The following CCSER1 variants were observed in gnomAD, a reference collection of about 807,000 sequenced individuals.
CCSER1 encodes the protein coiled-coil serine rich protein 1.
CCSER1 carries 41 observed loss-of-function variants against 82.0 expected under a neutral mutation model. The observed-to-expected ratio is 0.50, with a 90% CI of 0.39 to 0.65. The LOEUF (loss-of-function observed/expected upper bound fraction) is 0.65. CCSER1 is among the 30% of genes least tolerant of loss of function. The pLI is 0.00. For synonymous variants in CCSER1, 414 were observed against 383.9 expected (o/e 1.08, Z -0.92); for missense variants, 1,119 against 1,064.2 (o/e 1.05, Z -0.72).
At chr4:91,288,608 A>G (rs1743503000) in intron 10 of CCSER1, among the ~76,000 whole-genome samples, 1 of 151,986 alleles carries the variant, frequency 6.6e-6, no homozygotes, top group South Asian at 2.1e-4. Context: ...TAAAGGCTTG[A>G]AGAAGGGAAC....
At chr4:91,344,584 T>C (rs1747932188) in intron 10 of CCSER1, among the ~76,000 whole-genome samples, 1 of 152,054 alleles carries the variant, frequency 6.6e-6, no homozygotes, top group Non-Finnish European at 1.5e-5. Context: ...GTACAGATAA[T>C]TGTAGAGTTG....
At chr4:90,242,966 T>G (rs1228760960) in intron 1 of CCSER1, among the ~76,000 whole-genome samples, 1 of 152,168 alleles carries the variant, frequency 6.6e-6, no homozygotes, top group Non-Finnish European at 1.5e-5. Flanking sequence ...TGCTTGGTTC[T>G]TGATGTGCTG....
intron 10 of CCSER1, among the ~76,000 whole-genome samples, chr4:91,220,850 A>G (rs1172130977): frequency 6.6e-6 from 1 of 152,188 alleles, no homozygotes; most frequent in African/African-American, 2.4e-5. Flanking sequence ...TAAGCACTTC[A>G]CTATATATAC....
chr4:90,769,081 A>G (rs1210332601), intron 7 of CCSER1, among the ~76,000 whole-genome samples: 1 of 152,230 alleles, frequency 6.6e-6, no homozygotes. Context: ...TGACTCAGAA[A>G]GCCCTTAAAG....
intron 10 of CCSER1, among the ~76,000 whole-genome samples, chr4:91,442,930 C>G (rs1755285125): frequency 6.6e-6 from 1 of 152,214 alleles, no homozygotes; most frequent in South Asian, 2.1e-4. Context: ...GAGATACCAT[C>G]TCACACCAGT....
At chr4:91,298,271 C>A (rs1744378040) in intron 10 of CCSER1, among the ~76,000 whole-genome samples, 1 of 151,948 alleles carries the variant, frequency 6.6e-6, no homozygotes, top group African/African-American at 2.4e-5. Context: ...AATCAGGACA[C>A]CTGTCATTGT....
chr4:90,257,312 A>G (rs1413125925), intron 1 of CCSER1, among the ~76,000 whole-genome samples: 2 of 152,128 alleles, frequency 1.3e-5, no homozygotes, highest in African/African-American at 4.8e-5. Context: ...TGATTCTAGG[A>G]CAGGGACCTT....
At chr4:90,972,843 G>A (rs2150402685) in intron 9 of CCSER1, among the ~76,000 whole-genome samples, 1 of 151,856 alleles carries the variant, frequency 6.6e-6, no homozygotes, top group African/African-American at 2.4e-5. Context: ...AGAGAGTGCA[G>A]AGGTAATTCT....
chr4:90,912,618 A>G (rs1424921013), intron 8 of CCSER1, among the ~76,000 whole-genome samples: 3 of 152,218 alleles, frequency 2.0e-5, no homozygotes, highest in Non-Finnish European at 2.9e-5. Flanking sequence ...CTTGCCAGCA[A>G]TGGAACAAAG....
intron 4 of CCSER1, among the ~76,000 whole-genome samples, chr4:90,416,629 A>G (rs1385333289): frequency 6.6e-6 from 1 of 152,152 alleles, no homozygotes; most frequent in Non-Finnish European, 1.5e-5. Flanking sequence ...GACAGTTTTA[A>G]TTCCTTGTTA....
At chr4:91,038,599 C>T (rs2126218) in intron 9 of CCSER1, among the ~76,000 whole-genome samples, 137,753 of 152,244 alleles carry the variant, frequency 0.9, 62,463 homozygotes, top group African/African-American at 0.92. Context: ...AAGATGATCA[C>T]GGATCCTGGA....
At chr4:90,641,133 A>G (rs1039132081) in intron 6 of CCSER1, among the ~76,000 whole-genome samples, 9 of 152,156 alleles carry the variant, frequency 5.9e-5, no homozygotes, top group African/African-American at 2.2e-4. Flanking sequence ...CCAATGAGGT[A>G]TAATATATTA....
chr4:90,611,373 A>C (rs953008471), intron 5 of CCSER1, among the ~76,000 whole-genome samples: 1 of 151,974 alleles, frequency 6.6e-6, no homozygotes, highest in Non-Finnish European at 1.5e-5. Flanking sequence ...AGATCTTTTT[A>C]GTATGTGAAC....
intron 10 of CCSER1, among the ~76,000 whole-genome samples, chr4:91,355,636 C>A (rs536447059): frequency 6.6e-6 from 1 of 152,250 alleles, no homozygotes; most frequent in African/African-American, 2.4e-5. Context: ...CTGAAAAAGT[C>A]CAAATTTTAA....
At chr4:91,413,701 T>C (rs1578397813) in intron 10 of CCSER1, among the ~76,000 whole-genome samples, 4 of 152,008 alleles carry the variant, frequency 2.6e-5, no homozygotes, top group Middle Eastern at 6.8e-3. Context: ...ATAATAAAGC[T>C]CTGGGGATCT....
intron 8 of CCSER1, among the ~76,000 whole-genome samples, chr4:90,881,084 A>G (rs1261973941): frequency 6.6e-6 from 1 of 152,068 alleles, no homozygotes; most frequent in South Asian, 2.1e-4. Context: ...TTTAGTAAAC[A>G]TAAGTATGAT....
intron 1 of CCSER1, among the ~76,000 whole-genome samples, chr4:90,299,009 C>T (rs1732559192): frequency 6.6e-6 from 1 of 152,072 alleles, no homozygotes; most frequent in Non-Finnish European, 1.5e-5. Flanking sequence ...CTCTCTGTTT[C>T]TTCTGGTCAT....
At chr4:91,579,269 C>T (rs1184376333) in intron 10 of CCSER1, among the ~76,000 whole-genome samples, 1 of 151,266 alleles carries the variant, frequency 6.6e-6, no homozygotes, top group Non-Finnish European at 1.5e-5. Flanking sequence ...GGTACATGTG[C>T]ATGTTTGTTG....
At chr4:91,243,341 G>T (rs1739513880) in intron 10 of CCSER1, among the ~76,000 whole-genome samples, 1 of 152,180 alleles carries the variant, frequency 6.6e-6, no homozygotes. Context: ...TAGCACGCAA[G>T]AACTGCAATT....
Sources: gnomAD v4.1 joint callset for allele counts (sites outside exome capture counted in the v4.1 genomes callset) on GRCh38, gnomAD v4.1.1 for gene constraint, MANE v1.5 for transcripts, NCBI Gene and HGNC (gene_info 2026-07-23, HGNC 2026-07-21) for gene names.